The following LRRC3B variants were observed in gnomAD, a reference collection of about 807,000 sequenced individuals.
The protein encoded by LRRC3B is leucine-rich repeat-containing protein 3B.
LRRC3B carries 2 observed loss-of-function variants against 12.8 expected under a neutral mutation model. The ratio of observed to expected loss-of-function variants is 0.16; its 90% CI spans 0.06 to 0.49. LRRC3B has a LOEUF of 0.49. Ranked by LOEUF, LRRC3B falls within the 20% of genes least tolerant of loss-of-function variation. The pLI, the probability that LRRC3B is intolerant of heterozygous loss-of-function variation, is 0.96. For synonymous variants in LRRC3B, 132 were observed against 122.0 expected, an observed-to-expected ratio of 1.08 and a Z score of -0.54; for missense variants, 189 against 319.4, an observed-to-expected ratio of 0.59 and a Z score of 3.11.
intron 1 of LRRC3B, among the ~76,000 whole-genome samples, chr3:26,668,287 A>T (rs1453674147): frequency 6.6e-5 from 10 of 152,172 alleles, no homozygotes; most frequent in Admixed American, 6.6e-4. Context: ...GGCCGTTAAC[A>T]GAGCCAGAGC....
At chr3:26,664,522 T>C (rs992356139) in intron 1 of LRRC3B, among the ~76,000 whole-genome samples, 6 of 152,096 alleles carry the variant, frequency 3.9e-5, no homozygotes, top group Non-Finnish European at 7.4e-5. Flanking sequence ...GTTGAGGTTT[T>C]CATGAAAGAA....
At chr3:26,680,561 G>A (rs1699950575) in intron 1 of LRRC3B, among the ~76,000 whole-genome samples, 1 of 152,184 alleles carries the variant, frequency 6.6e-6, no homozygotes, top group Non-Finnish European at 1.5e-5. Context: ...TTACACCTCA[G>A]TAGTTCCCCA....
intron 1 of LRRC3B, among the ~76,000 whole-genome samples, chr3:26,693,377 C>T (rs1442907597): frequency 6.7e-6 from 1 of 149,854 alleles, no homozygotes; most frequent in Non-Finnish European, 1.5e-5. Context: ...ACATGCAAGA[C>T]CTTTTGGAGA....
intron 1 of LRRC3B, among the ~76,000 whole-genome samples, chr3:26,628,010 T>C (rs1182791592): frequency 6.6e-6 from 1 of 152,148 alleles, no homozygotes; most frequent in Non-Finnish European, 1.5e-5. Context: ...CAATTCCCAG[T>C]TTATTCAGGG....
intron 1 of LRRC3B, among the ~76,000 whole-genome samples, chr3:26,678,060 AC>A (rs1403821977): frequency 6.6e-6 from 1 of 151,982 alleles, no homozygotes; most frequent in Non-Finnish European, 1.5e-5. Context: ...CAAGTGACCA[AC>A]CTGCCTTGGC....
chr3:26,662,005 C>T (rs1213739694), intron 1 of LRRC3B, among the ~76,000 whole-genome samples: 3 of 152,148 alleles, frequency 2.0e-5, no homozygotes, highest in Non-Finnish European at 4.4e-5. Context: ...CCTGAGTGTT[C>T]TGGGGCTCCT....
exon 2 of LRRC3B, chr3:26,709,777 C>T: frequency 6.2e-7 from 1 of 1,614,088 alleles, no homozygotes; most frequent in Non-Finnish European, 8.5e-7. Context: ...GTATGTGTCC[C>T]AAGGGCTGTC....
chr3:26,625,081 T>C (rs1466977494), intron 1 of LRRC3B: 1 of 152,248 alleles, frequency 6.6e-6, no homozygotes, highest in Non-Finnish European at 1.5e-5. Flanking sequence ...AGGGAAACAT[T>C]TGGAGGTTGG....
chr3:26,699,229 G>A (rs1268295496), intron 1 of LRRC3B, among the ~76,000 whole-genome samples: 1 of 152,070 alleles, frequency 6.6e-6, no homozygotes, highest in Non-Finnish European at 1.5e-5. Flanking sequence ...CTTAAGAAAT[G>A]TGAAACCCTC....
exon 2 of LRRC3B, chr3:26,710,278 C>G: frequency 3.1e-6 from 5 of 1,613,892 alleles, no homozygotes; most frequent in Non-Finnish European, 4.2e-6. Context: ...AAAAAACTAC[C>G]GATTATGCCA....
chr3:26,697,447 T>C (rs1030961207), intron 1 of LRRC3B, among the ~76,000 whole-genome samples: 1 of 152,200 alleles, frequency 6.6e-6, no homozygotes, highest in Non-Finnish European at 1.5e-5. Context: ...CAAAATTACA[T>C]TTAGGGCTCA....
intron 1 of LRRC3B, among the ~76,000 whole-genome samples, chr3:26,706,963 A>G (rs1700605705): frequency 6.6e-6 from 1 of 152,190 alleles, no homozygotes; most frequent in African/African-American, 2.4e-5. Context: ...TTTAGTCCTC[A>G]CTATATGCGA....
At chr3:26,675,584 G>T (rs545006888) in intron 1 of LRRC3B, among the ~76,000 whole-genome samples, 2 of 152,308 alleles carry the variant, frequency 1.3e-5, no homozygotes, top group Middle Eastern at 6.8e-3. Context: ...GAAACTGGAA[G>T]TCTGACAAAG....
chr3:26,695,802 G>A (rs1700301505), intron 1 of LRRC3B, among the ~76,000 whole-genome samples: 1 of 152,200 alleles, frequency 6.6e-6, no homozygotes, highest in Non-Finnish European at 1.5e-5. Context: ...GTTCTAACAA[G>A]GGAGCAAAAG....
intron 1 of LRRC3B, among the ~76,000 whole-genome samples, chr3:26,647,477 G>A (rs1699177044): frequency 6.6e-6 from 1 of 152,160 alleles, no homozygotes; most frequent in African/African-American, 2.4e-5. Flanking sequence ...TTGAAGGGCT[G>A]TTTTGAAGAT....
At chr3:26,685,523 C>CTATATATATA (rs57407254) in intron 1 of LRRC3B, among the ~76,000 whole-genome samples, 7 of 38,296 alleles carry the variant, frequency 1.8e-4, no homozygotes, top group South Asian at 1.2e-3. Flanking sequence ...CTCTCTCTCT[C>CTATATATATA]TATATATATA....
At chr3:26,636,916 C>CTCTT (rs559017147) in intron 1 of LRRC3B, among the ~76,000 whole-genome samples, 3,214 of 70,980 alleles carry the variant, frequency 0.045, 143 homozygotes, top group African/African-American at 0.053. Context: ...CTCTCTTTCT[C>CTCTT]TCTTTCTTTC....
At chr3:26,660,511 A>T (rs17018505) in intron 1 of LRRC3B, among the ~76,000 whole-genome samples, 9,033 of 152,238 alleles carry the variant, frequency 0.059, 372 homozygotes, top group East Asian at 0.16. Flanking sequence ...TAAAAGGAGA[A>T]CCATCAAACA....
At chr3:26,634,822 C>G (rs773209396) in intron 1 of LRRC3B, among the ~76,000 whole-genome samples, 1 of 152,152 alleles carries the variant, frequency 6.6e-6, no homozygotes, top group Non-Finnish European at 1.5e-5. Flanking sequence ...TTGGCTTTGA[C>G]GCTGCTGAGA....
Sources: allele counts gnomAD v4.1 joint callset (sites outside exome capture counted in the v4.1 genomes callset), GRCh38; gene constraint gnomAD v4.1.1; transcripts MANE v1.5; gene names NCBI Gene and HGNC (gene_info 2026-07-23, HGNC 2026-07-21).